ERC1: variants seen among roughly 807,000 people sequenced by gnomAD.
ERC1 encodes the protein RAB6 interacting protein 2.
Under a neutral mutation model 132.0 loss-of-function variants are expected in ERC1, and 56 were observed. The observed-to-expected ratio is 0.42, with a 90% CI of 0.34 to 0.53. The LOEUF is 0.53. Ranked by LOEUF, ERC1 falls within the 20% of genes least tolerant of loss-of-function variation. The probability of loss-of-function intolerance (pLI) is 0.03; values close to 1 mark genes in which losing one functional copy is unlikely to be tolerated. For synonymous variants in ERC1, 478 were observed against 476.1 expected (o/e 1.00, Z -0.05); for missense variants, 1,202 against 1,349.9 (o/e 0.89, Z 1.72).
chr12:1,181,806 C>G, intron 9 of ERC1, 119 bp from the exon 10 acceptor site: 1 of 1,008,804 alleles, frequency 9.9e-7, no homozygotes, highest in Non-Finnish European at 1.4e-6. Context: ...AAAGTGGATT[C>G]TTTAAAAACT....
chr12:1,103,875 T>C (rs774876156), intron 3 of ERC1, among the ~76,000 whole-genome samples: 1 of 152,182 alleles, frequency 6.6e-6, no homozygotes, highest in Non-Finnish European at 1.5e-5. Flanking sequence ...TTGAAATGTT[T>C]GTTGGACATG....
intron 3 of ERC1, among the ~76,000 whole-genome samples, chr12:1,091,707 G>A (rs1337136010): frequency 6.6e-6 from 1 of 152,174 alleles, no homozygotes; most frequent in African/African-American, 2.4e-5. Flanking sequence ...TTCCACCGTT[G>A]AATCAAGGGA....
intron 14 of ERC1, among the ~76,000 whole-genome samples, chr12:1,272,731 C>T (rs898514181): frequency 1.3e-5 from 2 of 151,842 alleles, no homozygotes; most frequent in African/African-American, 2.4e-5. Flanking sequence ...AGGTGGATGA[C>T]GAGGTCAAGA....
chr12:1,414,958 G>A (rs2092043091), intron 17 of ERC1, among the ~76,000 whole-genome samples: 1 of 152,128 alleles, frequency 6.6e-6, no homozygotes, highest in Admixed American at 6.6e-5. Context: ...TTGGTTGTTA[G>A]CTTTATTGTC....
In ERC1 at chr12:1,083,403, T is replaced by A. The variant is rs557049688; in HGVS notation, c.909T>A (p.Asn303Lys). 4.3e-6 allele frequency: 7 copies of A among 1,614,018 alleles called. No individual in the cohort carries two copies. The highest frequency in any genetic ancestry group is 5.9e-6 in the Non-Finnish European group (7 of 1,180,034). ...TTGAGACTCAAAAGCAGACCCTAAA[T>A]GCTCGGGATGAATCCATTAAGAAGC... ...LRIETQKQTL[N>K]ARDESIKKLL... is the part of the protein sequence containing the mutation. The change falls in exon 3 of 19, where the codon AAT becomes AAA. Residue 303 changes from asparagine (N) to lysine (K), a missense_variant. Physicochemically the swap from Asn to Lys is moderately conservative, Grantham distance 94. Transcript: ENST00000360905.
intron 8 of ERC1, among the ~76,000 whole-genome samples, chr12:1,145,791 G>A (rs1268179962): frequency 6.6e-6 from 1 of 152,116 alleles, no homozygotes; most frequent in Non-Finnish European, 1.5e-5. Flanking sequence ...TTCACATGTG[G>A]CTTGCCAGTT....
rs776056717 is a variant in ERC1, at chr12:1,189,939, G to A, written c.2238G>A (p.Arg746=). 1.9e-6 allele frequency: 3 copies of A among 1,614,056 alleles called. No individual in the cohort carries two copies. The highest frequency in any genetic ancestry group is 2.5e-6 in the Non-Finnish European group (3 of 1,179,974). ...RIQHLEREIT[R]YKDESSKAQA... Reference sequence around the variant, plus strand: ...AGCACTTGGAGAGAGAGATCACCAGGTACAAAGATGAATCTAGCAAGGCCC... The same window carrying A: ...AGCACTTGGAGAGAGAGATCACCAGATACAAAGATGAATCTAGCAAGGCCC... Residue 746 remains arginine, a synonymous_variant, in exon 12 of 19, where the codon AGG becomes AGA. Transcript: ENST00000360905.
intron 13 of ERC1, among the ~76,000 whole-genome samples, chr12:1,254,443 A>G (rs1355226762): frequency 6.6e-6 from 1 of 152,194 alleles, no homozygotes; most frequent in African/African-American, 2.4e-5. Context: ...GTTAATGGCA[A>G]AAACCACAAT....
intron 18 of ERC1, among the ~76,000 whole-genome samples, chr12:1,464,102 A>G (rs1265379389): frequency 6.6e-6 from 1 of 152,200 alleles, no homozygotes; most frequent in African/African-American, 2.4e-5. Flanking sequence ...CGCAGTTGCA[A>G]TGACACAGAT....
chr12:1,440,667 T>TGTGTGTGA (rs2093123292), intron 17 of ERC1, among the ~76,000 whole-genome samples: 1 of 101,726 alleles, frequency 9.8e-6, no homozygotes, highest in African/African-American at 4.0e-5. Context: ...TGTGTGTGTG[T>TGTGTGTGA]GATGGAGTCT....
intron 8 of ERC1, among the ~76,000 whole-genome samples, chr12:1,175,726 C>A (rs992519326): frequency 6.6e-6 from 1 of 151,874 alleles, no homozygotes; most frequent in Non-Finnish European, 1.5e-5. Context: ...GTAGAGACAG[C>A]GTTTCTCCAT....
At chr12:1,296,749 T>C (rs1351338887) in intron 15 of ERC1, among the ~76,000 whole-genome samples, 1 of 152,190 alleles carries the variant, frequency 6.6e-6, no homozygotes, top group African/African-American at 2.4e-5. Flanking sequence ...AAAGAGTCAG[T>C]GAACTTCAAA....
chr12:1,269,439 A>C (rs1006142238), intron 14 of ERC1, among the ~76,000 whole-genome samples: 1 of 152,180 alleles, frequency 6.6e-6, no homozygotes, highest in Non-Finnish European at 1.5e-5. Flanking sequence ...GAACGTGTCT[A>C]AGGAAGACTA....
chr12:1,310,059 T>C (rs1256381217), intron 15 of ERC1, among the ~76,000 whole-genome samples: 1 of 151,952 alleles, frequency 6.6e-6, no homozygotes, highest in Non-Finnish European at 1.5e-5. Flanking sequence ...GCCATTCTCC[T>C]GCCTCAGACT....
chr12:1,061,933 G>A (rs73035111), intron 2 of ERC1, among the ~76,000 whole-genome samples: 7,404 of 147,774 alleles, frequency 0.05, 262 homozygotes, highest in African/African-American at 0.095. Context: ...TCTTTGTACT[G>A]CTTTTGCTGT....
chr12:1,144,475 C>T (rs989850909), intron 8 of ERC1, among the ~76,000 whole-genome samples: 1 of 152,048 alleles, frequency 6.6e-6, no homozygotes, highest in Admixed American at 6.6e-5. Flanking sequence ...TAGCTTAGCT[C>T]CCACTTGTAA....
intron 18 of ERC1, among the ~76,000 whole-genome samples, chr12:1,477,316 G>GT (rs1412791935): frequency 6.6e-6 from 1 of 152,192 alleles, no homozygotes. Flanking sequence ...TAAATGCCCA[G>GT]TAAGTTAGTT....
chr12:1,068,873 G>A (rs1054466007), intron 2 of ERC1, among the ~76,000 whole-genome samples: 5 of 152,118 alleles, frequency 3.3e-5, no homozygotes, highest in African/African-American at 1.2e-4. Flanking sequence ...GTGTCTTTAT[G>A]TATACCTTCT....
At chr12:1,121,726 T>TGTGC (rs1278792608) in intron 7 of ERC1, among the ~76,000 whole-genome samples, 9 of 5,530 alleles carry the variant, frequency 1.6e-3, no homozygotes, top group Non-Finnish European at 4.6e-3. Context: ...TATCTCTATC[T>TGTGC]CTATCTCTAT....
Sources: allele counts gnomAD v4.1 joint callset (sites outside exome capture counted in the v4.1 genomes callset), GRCh38; gene constraint gnomAD v4.1.1; transcripts MANE v1.5; gene names NCBI Gene and HGNC (gene_info 2026-07-23, HGNC 2026-07-21).